ADAMTS9: variants seen among roughly 807,000 people sequenced by gnomAD.
The protein encoded by ADAMTS9 is ADAM metallopeptidase with thrombospondin type 1 motif 9.
Under a neutral mutation model 257.1 loss-of-function variants are expected in ADAMTS9, and 107 were observed. That is an observed-to-expected ratio of 0.42 (90% CI 0.36 to 0.49). The LOEUF (loss-of-function observed/expected upper bound fraction) is 0.49, where lower values mean the gene tolerates loss of function less well. ADAMTS9 is among the 20% of genes least tolerant of loss of function. ADAMTS9 has a pLI of 0.03. For missense variants in ADAMTS9, 2,353 were observed against 2,469.1 expected, an observed-to-expected ratio of 0.95 and a Z score of 1.00; for synonymous variants, 982 against 880.9, an observed-to-expected ratio of 1.11 and a Z score of -2.03.
intron 28 of ADAMTS9, among the ~76,000 whole-genome samples, chr3:64,577,669 G>T (rs1324375791): frequency 1.3e-5 from 2 of 152,104 alleles, no homozygotes; most frequent in Non-Finnish European, 1.5e-5. Flanking sequence ...ATGTCAGTCT[G>T]CTAGGAGATG....
chr3:64,601,303 C>T (rs1455469614), intron 26 of ADAMTS9, among the ~76,000 whole-genome samples: 1 of 152,184 alleles, frequency 6.6e-6, no homozygotes, highest in East Asian at 1.9e-4. Flanking sequence ...CCTCATTTTA[C>T]AGATAAGAAA....
chr3:64,518,341 C>T (rs75140542), intron 39 of ADAMTS9, among the ~76,000 whole-genome samples: 2,256 of 152,222 alleles, frequency 0.015, 45 homozygotes, highest in African/African-American at 0.052. Flanking sequence ...GTATCAGGAT[C>T]TTCAAGAGCC....
At chr3:64,599,573 T>A (rs1162446845) in intron 26 of ADAMTS9, among the ~76,000 whole-genome samples, 4 of 152,214 alleles carry the variant, frequency 2.6e-5, no homozygotes, top group Non-Finnish European at 5.9e-5. Flanking sequence ...CATCTATCAA[T>A]TAAGACACTC....
intron 23 of ADAMTS9, 93 bp downstream of exon 23, chr3:64,606,867 T>C (rs2084564600): frequency 1.3e-6 from 2 of 1,514,338 alleles, no homozygotes; most frequent in Non-Finnish European, 9.0e-7. Flanking sequence ...GACATACTTA[T>C]CTATGAAAGG....
At chr3:64,551,716 C>T (rs2083274038) in intron 30 of ADAMTS9, among the ~76,000 whole-genome samples, 1 of 152,198 alleles carries the variant, frequency 6.6e-6, no homozygotes, top group African/African-American at 2.4e-5. Flanking sequence ...CTAAATACCT[C>T]CAGGATCAGG....
rs187883978 is a variant in ADAMTS9, at chr3:64,569,976, C to G, written c.4357-1441G>C. Among the ~76,000 whole-genome samples, 22 of 152,226 alleles carry G rather than the reference C, an allele frequency of 1.4e-4. No individual in the cohort carries two copies. The East Asian group carries it at 3.9e-3, about 27-fold the overall frequency. Reference sequence around the variant, plus strand: ...GACTTTGCGATATAATTCTAGAAGGCTTTTAGAATGAAGTTCCTAGAAGTA... The same window carrying G: ...GACTTTGCGATATAATTCTAGAAGGGTTTTAGAATGAAGTTCCTAGAAGTA... On this transcript the variant is annotated intron_variant, in intron 28 of 39. Transcript: ENST00000498707.
intron 36 of ADAMTS9, 78 bp downstream of exon 36, chr3:64,541,017 G>T: frequency 6.4e-7 from 1 of 1,573,310 alleles, no homozygotes; most frequent in African/African-American, 1.4e-5. Flanking sequence ...CTCCCTGCTA[G>T]CCAATGTGCA....
At chr3:64,544,659 C>A (rs533739807) in intron 32 of ADAMTS9, among the ~76,000 whole-genome samples, 3 of 152,274 alleles carry the variant, frequency 2.0e-5, no homozygotes, top group Admixed American at 6.5e-5. Flanking sequence ...ACCATAAAAA[C>A]CCTAGAAGAA....
Position 64,613,385 on chromosome 3 carries a change from T to C in ADAMTS9, c.3314A>G (p.Gln1105Arg). The change falls in exon 22 of 40, where the codon CAG becomes CGG. Residue 1105 changes from glutamine (Q) to arginine (R), a missense_variant. Around this residue, in one of 3 missense-constraint regions of ADAMTS9, gnomAD observed 1,402 missense variants for 1,441.4 expected, o/e 0.97. Coordinates refer to ENST00000498707, the MANE Select transcript of ADAMTS9 (RefSeq NM_182920.2). ...CGCCTGCCAGGATGCACATTCCGGC[T>C]GCTGACAAGTCTGCATAGATGTTGG... Reference protein sequence around the residue: ...TKPTSMQTCQQPECASWQAGP... With the variant: ...TKPTSMQTCQRPECASWQAGP... The C allele has an allele frequency of 6.2e-7, 1 of 1,613,952 alleles. No individual in the cohort carries two copies. The highest frequency in any genetic ancestry group is 1.1e-5 in the South Asian group (1 of 91,056).
intron 39 of ADAMTS9, among the ~76,000 whole-genome samples, chr3:64,518,335 C>A (rs1399888911): frequency 6.6e-6 from 1 of 152,140 alleles, no homozygotes; most frequent in Non-Finnish European, 1.5e-5. Context: ...ACTCTTGTAT[C>A]AGGATCTTCA....
At chr3:64,619,991 A>G (rs1576124941) in intron 19 of ADAMTS9, among the ~76,000 whole-genome samples, 1 of 152,098 alleles carries the variant, frequency 6.6e-6, no homozygotes, top group East Asian at 1.9e-4. Context: ...GCCTAGTATA[A>G]ACGTCTGCCT....
chr3:64,680,362 AT>A (rs927818447), intron 3 of ADAMTS9, among the ~76,000 whole-genome samples: 9 of 152,008 alleles, frequency 5.9e-5, no homozygotes, highest in South Asian at 4.2e-4. Context: ...AAGTCCAAGA[AT>A]TTTTTTTTAA....
intron 26 of ADAMTS9, among the ~76,000 whole-genome samples, chr3:64,601,431 A>G (rs12715588): frequency 0.57 from 86,190 of 151,974 alleles, 27,160 homozygotes; most frequent in African/African-American, 0.86. Context: ...TTAAGGTTAG[A>G]GTACTTCTCT....
chr3:64,590,907 G>C (rs546389450), intron 28 of ADAMTS9, among the ~76,000 whole-genome samples: 3 of 152,202 alleles, frequency 2.0e-5, no homozygotes, highest in African/African-American at 4.8e-5. Flanking sequence ...ATGCACAAAG[G>C]AACACCGAAG....
intron 38 of ADAMTS9, 90 bp from the exon 39 acceptor site, chr3:64,522,350 C>T (rs1251169015): frequency 2.7e-6 from 3 of 1,111,250 alleles, no homozygotes; most frequent in East Asian, 4.8e-5. Context: ...CTTATACACA[C>T]AGTAAACAGG....
At position 64,516,531 on chromosome 3, in the gene ADAMTS9, A is replaced by C. The variant is rs934671288; in HGVS notation, c.*596T>G. The C allele has an allele frequency of 6.6e-6, 1 of 152,628 alleles. No individual in the cohort carries two copies. The highest frequency in any genetic ancestry group is 1.5e-5 in the Non-Finnish European group (1 of 68,034). 9.5% of individuals were successfully genotyped at this position (152,628 alleles called of 1,614,324 possible). ...CTGAGTCGGATGATCATTTAAATAC[A>C]TACAATATTAGCACCAAGGCAGCAT... On this transcript the variant is annotated 3_prime_UTR_variant, in exon 40 of 40. Coordinates refer to ENST00000498707, the MANE Select transcript of ADAMTS9 (RefSeq NM_182920.2).
At chr3:64,568,255 C>G in intron 29 of ADAMTS9, 113 bp downstream of exon 29, 1 of 1,161,392 alleles carries the variant, frequency 8.6e-7, no homozygotes, top group Non-Finnish European at 1.2e-6. Flanking sequence ...TCCCAGTCCC[C>G]GAGCTCCCCT....
chr3:64,522,137 C>CAGAG (rs768354352), intron 39 of ADAMTS9, 29 bp downstream of exon 39: 1 of 1,593,408 alleles, frequency 6.3e-7, no homozygotes, highest in Non-Finnish European at 8.6e-7. Context: ...AAGACAAATA[C>CAGAG]ACAGACAGAC....
At chr3:64,649,900 T>C in intron 9 of ADAMTS9, 122 bp from the exon 10 acceptor site, 1 of 1,219,760 alleles carries the variant, frequency 8.2e-7, no homozygotes, top group Non-Finnish European at 1.1e-6. Context: ...TTTTAACATG[T>C]GCTTTATTCT....
Sources: gnomAD v4.1 joint callset for allele counts (sites outside exome capture counted in the v4.1 genomes callset) on GRCh38, gnomAD v4.1.1 for gene constraint, gnomAD v4.1.1 regional missense constraint, MANE v1.5 for transcripts, NCBI Gene and HGNC (gene_info 2026-07-23, HGNC 2026-07-21) for gene names.